Variants in RBFOX1 observed in about 807,000 individuals in gnomAD.
RBFOX1 encodes the protein RNA binding fox-1 homolog 1, also known as RNA binding protein fox-1 homolog 1.
In RBFOX1, 8 loss-of-function variants were observed where a neutral mutation model predicts 57.7. The ratio of observed to expected loss-of-function variants is 0.14; its 90% CI spans 0.08 to 0.25. RBFOX1 has a LOEUF of 0.25. Among genes scored for constraint, RBFOX1 ranks in the 10% least tolerant of loss-of-function variants. The pLI is 1.00. For missense variants in RBFOX1, 611 were observed against 548.5 expected (o/e 1.11, Z -1.14); for synonymous variants, 326 against 222.4 (o/e 1.47, Z -4.15).
intron 4 of RBFOX1, among the ~76,000 whole-genome samples, chr16:7,322,916 C>G (rs1007039940): frequency 2.6e-5 from 4 of 152,166 alleles, no homozygotes; most frequent in African/African-American, 7.2e-5. Context: ...CCATGTACCT[C>G]TGACTTTCTC....
intron 11 of RBFOX1, among the ~76,000 whole-genome samples, chr16:7,636,545 A>G (rs1215832344): frequency 1.3e-5 from 2 of 152,192 alleles, no homozygotes; most frequent in Non-Finnish European, 1.5e-5. Flanking sequence ...ATACATTTTT[A>G]ATTACATAGG....
intron 1 of RBFOX1, among the ~76,000 whole-genome samples, chr16:5,393,884 T>TC (rs1225328244): frequency 6.6e-6 from 1 of 152,166 alleles, no homozygotes; most frequent in Non-Finnish European, 1.5e-5. Flanking sequence ...CATTCACGTT[T>TC]CCCCCTAAGC....
At chr16:5,316,282 C>A (rs140287500) in intron 1 of RBFOX1, among the ~76,000 whole-genome samples, 2 of 152,340 alleles carry the variant, frequency 1.3e-5, no homozygotes, top group East Asian at 3.9e-4. Flanking sequence ...ATCCTTATTG[C>A]ATTTCCTCAA....
At chr16:6,561,675 T>A (rs2097181085) in intron 2 of RBFOX1, among the ~76,000 whole-genome samples, 1 of 152,228 alleles carries the variant, frequency 6.6e-6, no homozygotes. Context: ...TCTTTTTGTT[T>A]TTTCTTTTAT....
intron 3 of RBFOX1, among the ~76,000 whole-genome samples, chr16:6,814,271 A>T (rs959367980): frequency 2.3e-4 from 35 of 151,858 alleles, no homozygotes; most frequent in Admixed American, 1.8e-3. Context: ...GAGGAGGTCT[A>T]AGAGAGTCAG....
intron 4 of RBFOX1, among the ~76,000 whole-genome samples, chr16:7,370,537 C>G (rs1407845070): frequency 3.3e-5 from 5 of 152,174 alleles, no homozygotes; most frequent in African/African-American, 1.2e-4. Flanking sequence ...CCTCCCCACT[C>G]TTTTTAACTC....
At chr16:6,750,391 A>G (rs2074694339) in intron 3 of RBFOX1, among the ~76,000 whole-genome samples, 1 of 152,226 alleles carries the variant, frequency 6.6e-6, no homozygotes, top group Non-Finnish European at 1.5e-5. Flanking sequence ...ACTGGGCTTA[A>G]AATAGCAGCA....
intron 1 of RBFOX1, among the ~76,000 whole-genome samples, chr16:5,408,643 T>G (rs866416710): frequency 3.3e-5 from 5 of 152,188 alleles, no homozygotes; most frequent in South Asian, 4.1e-4. Context: ...CTGGGTAATT[T>G]ATAAAGAAAA....
intron 3 of RBFOX1, among the ~76,000 whole-genome samples, chr16:6,966,864 C>A (rs1413922273): frequency 2.0e-5 from 3 of 150,932 alleles, no homozygotes; most frequent in Non-Finnish European, 4.4e-5. Context: ...TCCACACATC[C>A]ATCTATCCAT....
chr16:6,413,297 C>G (rs802325), intron 2 of RBFOX1, among the ~76,000 whole-genome samples: 28,509 of 141,110 alleles, frequency 0.2, 5,390 homozygotes, highest in African/African-American at 0.51. Flanking sequence ...CCAGCCTGCG[C>G]AACAAGAGAG....
intron 4 of RBFOX1, among the ~76,000 whole-genome samples, chr16:7,365,160 C>T (rs188733792): frequency 6.6e-5 from 10 of 152,262 alleles, no homozygotes; most frequent in East Asian, 5.8e-4. Context: ...ACTACTGTCA[C>T]GATCATGGGA....
At chr16:6,623,973 G>C (rs982390380) in intron 2 of RBFOX1, among the ~76,000 whole-genome samples, 4 of 152,152 alleles carry the variant, frequency 2.6e-5, no homozygotes, top group African/African-American at 9.7e-5. Context: ...TGGGATTGCT[G>C]GGTCAAATGG....
At chr16:6,889,382 C>T (rs548642626) in intron 3 of RBFOX1, among the ~76,000 whole-genome samples, 4 of 152,256 alleles carry the variant, frequency 2.6e-5, no homozygotes, top group East Asian at 1.9e-4. Context: ...TGCAGTAAGG[C>T]CAGTGATATC....
At chr16:6,075,436 T>C (rs180747965) in intron 1 of RBFOX1, among the ~76,000 whole-genome samples, 23 of 152,368 alleles carry the variant, frequency 1.5e-4, no homozygotes, top group Middle Eastern at 3.4e-3. Context: ...AAAAGCCATG[T>C]CTTATGAATC....
chr16:7,272,557 G>T (rs1209954056), intron 4 of RBFOX1, among the ~76,000 whole-genome samples: 2 of 152,262 alleles, frequency 1.3e-5, no homozygotes, highest in East Asian at 1.9e-4. Context: ...ATATTTATAG[G>T]CAACTATCAC....
At chr16:5,640,809 T>G (rs550838043) in intron 3 of RBFOX1, among the ~76,000 whole-genome samples, 2 of 142,610 alleles carry the variant, frequency 1.4e-5, no homozygotes, top group East Asian at 4.4e-4. Context: ...CATATACACA[T>G]GCACACCATG....
At chr16:5,366,514 ACACCG>A in intron 1 of RBFOX1, 1 of 433,582 alleles carries the variant, frequency 2.3e-6, no homozygotes, top group Non-Finnish European at 4.4e-6. Flanking sequence ...AACTGCTAAA[ACACCG>A]AAAGGACCTA....
chr16:7,542,738 G>T lies in RBFOX1; in HGVS notation c.270+24349G>T, dbSNP rs541925241. On this transcript the variant is annotated intron_variant, in intron 5 of 15. Coordinates refer to ENST00000550418, the MANE Select transcript of RBFOX1 (RefSeq NM_018723.4). ...AAAAAAAAGCCAGGCATGGTGGCAC[G>T]CACCTGTAATCCCAGCTACTCGGGT... Among the ~76,000 whole-genome samples the T allele has an allele frequency of 7.7e-5, 11 of 143,264 alleles. No individual in the cohort carries two copies. In the East Asian group the frequency reaches 1.7e-3, roughly 22 times the overall value. The allele number at this position is 143,264 out of a possible 152,430, so 94.0% of individuals were successfully genotyped here. A position where few individuals can be genotyped will look rare whatever the true frequency, so the allele number is the denominator to read the frequency against.
rs1220566121 is a variant in RBFOX1, at chr16:5,596,386, T to C, written c.259-2516T>C. Among the ~76,000 whole-genome samples, 7 of 152,226 alleles carry C rather than the reference T, an allele frequency of 4.6e-5. No homozygotes were observed. In the East Asian group the frequency reaches 1.3e-3, roughly 29 times the overall value. ...CTGGTGGTTGCTACGAAGCCAATACTGGCTTCACATGCAAGGTCTTGGACT... is the reference window on the plus strand; with the variant it reads ...CTGGTGGTTGCTACGAAGCCAATACCGGCTTCACATGCAAGGTCTTGGACT... On this transcript the variant is annotated intron_variant, in intron 2 of 2. Coordinates refer to the RBFOX1 transcript ENST00000585867.
Sources: gnomAD v4.1 joint callset for allele counts (sites outside exome capture counted in the v4.1 genomes callset) on GRCh38, gnomAD v4.1.1 for gene constraint, MANE v1.5 for transcripts, NCBI Gene and HGNC (gene_info 2026-07-23, HGNC 2026-07-21) for gene names.